The following ADD1 variants were observed in gnomAD, a reference collection of about 807,000 sequenced individuals.
The protein encoded by ADD1 is adducin 1, also known as alpha-adducin.
Under a neutral mutation model 80.5 loss-of-function variants are expected in ADD1, and 24 were observed. The ratio of observed to expected loss-of-function variants is 0.30; its 90% CI spans 0.22 to 0.42. The LOEUF (loss-of-function observed/expected upper bound fraction) is 0.42. Ranked by LOEUF, ADD1 falls within the 10% of genes least tolerant of loss-of-function variation. ADD1 has a pLI of 1.00. For synonymous variants in ADD1, 373 were observed against 393.8 expected (o/e 0.95, Z 0.63); for missense variants, 948 against 1,019.0 (o/e 0.93, Z 0.95).
intron 1 of ADD1, among the ~76,000 whole-genome samples, chr4:2,873,721 T>G (rs978044634): frequency 6.6e-6 from 1 of 152,230 alleles, no homozygotes; most frequent in African/African-American, 2.4e-5. Context: ...GGTCTTTTAT[T>G]GTTTTTGAAA....
intron 2 of ADD1, among the ~76,000 whole-genome samples, chr4:2,879,763 C>T (rs550122024): frequency 1.3e-5 from 2 of 152,234 alleles, no homozygotes; most frequent in South Asian, 4.1e-4. Context: ...GCTGGGATTA[C>T]AAGCGTGCAC....
chr4:2,884,663 C>G lies in ADD1; in HGVS notation c.507C>G (p.Ile169Met). Residue 169 changes from isoleucine to methionine, a missense_variant, in exon 4 of 16, where the codon ATC becomes ATG. Transcript: ENST00000683351. ...GGTCTCAGCTTATCTACAATCATAT[C>G]ACAGTGAGTATTAAATGGGCTAGTA... ...FGWSQLIYNHITTRVNSEQEH... is the reference protein window; with the variant it reads ...FGWSQLIYNHMTTRVNSEQEH... The G allele has an allele frequency of 6.2e-7, 1 of 1,604,416 alleles. No homozygotes were observed. The highest frequency in any genetic ancestry group is 8.5e-7 in the Non-Finnish European group (1 of 1,173,980).
chr4:2,901,271 C>T (rs1158806377), intron 9 of ADD1: 10 of 152,220 alleles, frequency 6.6e-5, no homozygotes, highest in African/African-American at 2.4e-4. Flanking sequence ...CGACATTTTG[C>T]TGCTCTTCTA....
chr4:2,896,675 C>G (rs1408555638), intron 6 of ADD1, among the ~76,000 whole-genome samples: 1 of 152,022 alleles, frequency 6.6e-6, no homozygotes, highest in Non-Finnish European at 1.5e-5. Context: ...GCATGTCACT[C>G]CAGCCACTAA....
At chr4:2,899,978 G>A (rs992861655) in intron 9 of ADD1, 3 of 192,044 alleles carry the variant, frequency 1.6e-5, no homozygotes, top group African/African-American at 7.1e-5. Context: ...CCCACACTGT[G>A]ATAGGAGGGC....
At position 2,929,780 on chromosome 4, in the gene ADD1, CCT is replaced by C. The variant is rs1366351477; in HGVS notation, c.*1260_*1261del. 2.0e-5 allele frequency: 3 copies of C among 152,516 alleles called. No individual in the cohort carries two copies. The highest frequency in any genetic ancestry group is 1.9e-4 in the East Asian group (1 of 5,202). The allele number at this position is 152,516 out of a possible 1,614,324, so 9.4% of individuals were successfully genotyped here. A position where few individuals can be genotyped will look rare whatever the true frequency, so the allele number is the denominator to read the frequency against. On this transcript the variant is annotated 3_prime_UTR_variant, in exon 16 of 16. Coordinates refer to ENST00000683351, the MANE Select transcript of ADD1 (RefSeq NM_001354761.2). ...TGGCACTGACCGCCGCTTCCAGCTTCCTCTGAGCCGCAGGGCCTGCTACGCGG... is the reference window on the plus strand; with the variant it reads ...TGGCACTGACCGCCGCTTCCAGCTTCCTGAGCCGCAGGGCCTGCTACGCGG...
chr4:2,924,828 G>A (rs1022808815), intron 14 of ADD1, among the ~76,000 whole-genome samples: 5 of 152,244 alleles, frequency 3.3e-5, no homozygotes, highest in African/African-American at 1.2e-4. Context: ...GAGGTAGTCA[G>A]CTTGAGCTGT....
chr4:2,906,490 C>G (rs953755190), intron 10 of ADD1, among the ~76,000 whole-genome samples: 2 of 152,096 alleles, frequency 1.3e-5, no homozygotes, highest in Admixed American at 6.5e-5. Context: ...GGCAGCAGCG[C>G]GAGCTTTATT....
intron 9 of ADD1, chr4:2,904,562 G>A: frequency 3.3e-6 from 2 of 601,220 alleles, no homozygotes; most frequent in Non-Finnish European, 5.9e-6. Context: ...TTTACGAGGA[G>A]TAGGGTTGCT....
At chr4:2,924,224 G>A (rs768956628) in intron 14 of ADD1, among the ~76,000 whole-genome samples, 8 of 152,208 alleles carry the variant, frequency 5.3e-5, no homozygotes, top group South Asian at 2.1e-4. Flanking sequence ...AGACCCTCAC[G>A]GAGCAGGTGG....
intron 14 of ADD1, among the ~76,000 whole-genome samples, chr4:2,920,351 G>T (rs547639805): frequency 6.6e-6 from 1 of 152,134 alleles, no homozygotes; most frequent in Admixed American, 6.5e-5. Flanking sequence ...TGTTAGGTCC[G>T]CATGGTCCAG....
chr4:2,926,722 C>T lies in ADD1; in HGVS notation c.2047+610C>T. 1 of 1,567,160 alleles carries T rather than the reference C, an allele frequency of 6.4e-7. No individual in the cohort carries two copies. Among genetic ancestry groups the T allele is most frequent in the Non-Finnish European group, 8.8e-7 (1 of 1,141,192 alleles). ...CTCTCCACCGGTGCCCTGCGCTTTG[C>T]CTCATTCTCCTGCTTCTTTGTTGTT... On this transcript the variant is annotated intron_variant, in intron 15 of 15. Transcript: ENST00000683351. The surrounding 1 kb of genome is among the most constrained non-coding windows in gnomAD (Gnocchi z 5.0).
intron 14 of ADD1, among the ~76,000 whole-genome samples, chr4:2,922,478 A>G (rs1385643158): frequency 1.3e-5 from 2 of 152,236 alleles, no homozygotes; most frequent in Admixed American, 6.5e-5. Flanking sequence ...GCTGCAGAAC[A>G]GCAAAGATCG....
intron 1 of ADD1, among the ~76,000 whole-genome samples, chr4:2,873,345 C>G (rs1730751215): frequency 6.6e-6 from 1 of 152,144 alleles, no homozygotes; most frequent in African/African-American, 2.4e-5. Flanking sequence ...ATGAAACCTG[C>G]AGTCATAATT....
At chr4:2,850,733 C>T (rs1405203177) in intron 1 of ADD1, among the ~76,000 whole-genome samples, 1 of 151,222 alleles carries the variant, frequency 6.6e-6, no homozygotes, top group Non-Finnish European at 1.5e-5. Flanking sequence ...CCACGCCCGG[C>T]TAATTTTTAT....
chr4:2,894,525 A>T lies in ADD1; in HGVS notation c.592-57A>T, dbSNP rs1333560773. ...GACCCTATCAAAAAAAAAAAAAAAA[A>T]GAAAAGAAAAAATGAAGTCCTCTTG... is the stretch of plus-strand genomic sequence containing the variant. On this transcript the variant is annotated intron_variant, in intron 5 of 15. Transcript: ENST00000683351. The T allele has an allele frequency of 2.5e-5, 37 of 1,461,574 alleles. No individual in the cohort carries two copies. The African/African-American group carries it at 4.3e-4, about 17-fold the overall frequency. 90.5% of individuals were successfully genotyped at this position (1,461,574 alleles called of 1,614,324 possible).
At chr4:2,845,104 C>T (rs1046468048) in intron 1 of ADD1, among the ~76,000 whole-genome samples, 2 of 151,864 alleles carry the variant, frequency 1.3e-5, no homozygotes, top group South Asian at 4.1e-4. Context: ...GACGGAGTCT[C>T]GCTCTGTCGC....
At chr4:2,884,015 G>C (rs750302900) in intron 3 of ADD1, among the ~76,000 whole-genome samples, 2 of 152,200 alleles carry the variant, frequency 1.3e-5, no homozygotes, top group Non-Finnish European at 2.9e-5. Context: ...AGTCTGGCTA[G>C]AGGTTTATCT....
At chr4:2,861,297 A>G (rs1439793157) in intron 1 of ADD1, among the ~76,000 whole-genome samples, 2 of 152,178 alleles carry the variant, frequency 1.3e-5, no homozygotes, top group Admixed American at 6.5e-5. Flanking sequence ...GTGGGAAGCC[A>G]TTGAACTCTT....
Sources: allele counts gnomAD v4.1 joint callset (sites outside exome capture counted in the v4.1 genomes callset), GRCh38; gene constraint gnomAD v4.1.1; non-coding constraint Gnocchi (gnomAD v3.1); transcripts MANE v1.5; gene names NCBI Gene and HGNC (gene_info 2026-07-23, HGNC 2026-07-21).